SMAD2: variants seen among roughly 807,000 people sequenced by gnomAD.
SMAD2 encodes MAD homolog 2.
Under a neutral mutation model 64.4 loss-of-function variants are expected in SMAD2, and 8 were observed. The ratio of observed to expected loss-of-function variants is 0.12; its 90% CI spans 0.07 to 0.22. The LOEUF is 0.22. Ranked by LOEUF, SMAD2 falls within the 10% of genes least tolerant of loss-of-function variation. The pLI is 1.00. For missense variants in SMAD2, 289 were observed against 561.2 expected (o/e 0.51, Z 4.90); for synonymous variants, 203 against 195.8 (o/e 1.04, Z -0.31).
At chr18:47,898,084 A>C (rs1952882403) in intron 1 of SMAD2, among the ~76,000 whole-genome samples, 1 of 152,198 alleles carries the variant, frequency 6.6e-6, no homozygotes, top group African/African-American at 2.4e-5. Flanking sequence ...ATAGTTTTTA[A>C]ACGTAGAGGA....
rs1226307522 is a variant in SMAD2, at chr18:47,841,367, A to G, written c.*460T>C. 2 of 238,420 alleles carry G rather than the reference A, an allele frequency of 8.4e-6. No homozygotes were observed. The highest frequency in any genetic ancestry group is 1.7e-5 in the Non-Finnish European group (2 of 120,540). The allele number at this position is 238,420 out of a possible 1,614,324, so 14.8% of individuals were successfully genotyped here. ...TATATATTAAAAAAGACACACAAAA[A>G]TAACAGAGAAGTGGGAATAACAGAT... On this transcript the variant is annotated 3_prime_UTR_variant, in exon 11 of 11. Coordinates refer to ENST00000262160, the MANE Select transcript of SMAD2 (RefSeq NM_005901.6).
At position 47,869,139 on chromosome 18, in the gene SMAD2, A is replaced by G. The variant is rs1356610528; in HGVS notation, c.520+104T>C. On this transcript the variant is annotated intron_variant, in intron 4 of 10. Coordinates refer to ENST00000262160, the MANE Select transcript of SMAD2 (RefSeq NM_005901.6). Reference sequence around the variant, plus strand: ...TAATATGCACAATTTAAGGTAATTTATTAGAATTTACACTAAAATTTTCCT... The same window carrying G: ...TAATATGCACAATTTAAGGTAATTTGTTAGAATTTACACTAAAATTTTCCT... 3.8e-6 allele frequency: 3 copies of G among 798,260 alleles called. No individual in the cohort carries two copies. The African/African-American group carries it at 5.2e-5, about 14-fold the overall frequency. 49.4% of individuals were successfully genotyped at this position (798,260 alleles called of 1,614,324 possible).
chr18:47,916,288 A>T (rs1046903357), intron 1 of SMAD2, among the ~76,000 whole-genome samples: 1 of 152,210 alleles, frequency 6.6e-6, no homozygotes, highest in East Asian at 1.9e-4. Context: ...AACATTTTGT[A>T]TAAGATTAGA....
chr18:47,911,417 GA>G (rs528686648), intron 1 of SMAD2, among the ~76,000 whole-genome samples: 2 of 150,580 alleles, frequency 1.3e-5, no homozygotes, highest in Non-Finnish European at 3.0e-5. Context: ...CCTCGAAACA[GA>G]AAAAAAATCA....
At chr18:47,925,050 T>A (rs768031767) in intron 1 of SMAD2, among the ~76,000 whole-genome samples, 3 of 152,168 alleles carry the variant, frequency 2.0e-5, no homozygotes, top group Non-Finnish European at 2.9e-5. Context: ...AATGTGAAAC[T>A]ACATCCCCCT....
At chr18:47,842,605 A>G (rs1198022722) in intron 10 of SMAD2, among the ~76,000 whole-genome samples, 1 of 152,176 alleles carries the variant, frequency 6.6e-6, no homozygotes, top group Admixed American at 6.5e-5. Context: ...CAAGCAAACC[A>G]AGACATAAAG....
intron 5 of SMAD2, chr18:47,866,703 G>A (rs1231202490): frequency 6.6e-6 from 1 of 151,938 alleles, no homozygotes; most frequent in Non-Finnish European, 1.5e-5. Flanking sequence ...TAGCATTTTT[G>A]AGAAAATGTT....
At position 47,835,105 on chromosome 18, in the gene SMAD2, T is replaced by C. The variant is rs574925153; in HGVS notation, c.*6722A>G. ...TTAATCGCTGTAGTTTTTCTTTCTT[T>C]ACTCTTTTGTATAAAAGGTTAGTGT... On this transcript the variant is annotated 3_prime_UTR_variant, in exon 11 of 11. Coordinates refer to ENST00000262160, the MANE Select transcript of SMAD2 (RefSeq NM_005901.6). 9.3e-4 allele frequency: 205 copies of C among 219,586 alleles called. No homozygotes were observed. The highest frequency in any genetic ancestry group is 4.5e-3 in the African/African-American group (200 of 44,690). 13.6% of individuals were successfully genotyped at this position (219,586 alleles called of 1,614,324 possible).
chr18:47,854,879 A>G (rs751889350), intron 6 of SMAD2, among the ~76,000 whole-genome samples: 52 of 152,320 alleles, frequency 3.4e-4, no homozygotes, highest in Non-Finnish European at 4.6e-4. Flanking sequence ...CTGAAAGTCC[A>G]TAATTTACAT....
intron 7 of SMAD2, among the ~76,000 whole-genome samples, chr18:47,849,051 T>C (rs1189272486): frequency 2.0e-5 from 3 of 152,092 alleles, no homozygotes; most frequent in South Asian, 2.1e-4. Flanking sequence ...CTAAAGCACA[T>C]AAAAAAGCTA....
At chr18:47,908,402 T>C (rs772298703) in intron 1 of SMAD2, among the ~76,000 whole-genome samples, 73 of 152,208 alleles carry the variant, frequency 4.8e-4, no homozygotes, top group African/African-American at 1.5e-3. Context: ...TCAAGAAACA[T>C]TGCAAAATGT....
intron 2 of SMAD2, among the ~76,000 whole-genome samples, chr18:47,891,124 G>C (rs868133314): frequency 6.6e-6 from 1 of 152,238 alleles, no homozygotes; most frequent in East Asian, 1.9e-4. Flanking sequence ...GACCAACATG[G>C]AGAAACCCTG....
Position 47,870,568 on chromosome 18 carries a change from T to C in SMAD2, c.237-4A>G. ...TCCCCAAATTTCAGAGCAAGTGCTG[T>C]GCATAAATTGAAAAACAAAAAATTG... On this transcript the variant is annotated splice_region_variant and splice_polypyrimidine_tract_variant and intron_variant, in intron 2 of 10. Transcript: ENST00000262160. The C allele has an allele frequency of 1.2e-6, 2 of 1,608,242 alleles. No individual in the cohort carries two copies. The highest frequency in any genetic ancestry group is 1.7e-6 in the Non-Finnish European group (2 of 1,174,810).
At chr18:47,911,599 T>C (rs1483937881) in intron 1 of SMAD2, among the ~76,000 whole-genome samples, 2 of 152,172 alleles carry the variant, frequency 1.3e-5, no homozygotes, top group African/African-American at 4.8e-5. Context: ...GGAGTCCAAC[T>C]AGGGTTCAAA....
In SMAD2 at chr18:47,828,483, G is replaced by A. The variant is rs565893320; in HGVS notation, c.*13344C>T. The stretch of plus-strand genomic sequence containing the variant: ...CCATGATGACGATGGCGGTTTTGTC[G>A]AATAGAAAAGGGGGAAATGTGGGGA... On this transcript the variant is annotated 3_prime_UTR_variant, in exon 11 of 11. Transcript: ENST00000262160. 1.1e-3 allele frequency: 189 copies of A among 167,528 alleles called. 2 individuals carry two copies. In the East Asian group the frequency reaches 0.03, roughly 26 times the overall value. 10.4% of individuals were successfully genotyped at this position (167,528 alleles called of 1,614,324 possible).
chr18:47,913,002 C>T (rs1302402097), intron 1 of SMAD2, among the ~76,000 whole-genome samples: 1 of 151,896 alleles, frequency 6.6e-6, no homozygotes, highest in East Asian at 1.9e-4. Context: ...TCACTGCAAC[C>T]TCCACCTCCC....
rs760694062 is a variant in SMAD2 at position 47,829,685 on chromosome 18, CTT to C, written c.*12140_*12141del. 6.6e-6 allele frequency: 1 copy of C among 152,148 alleles called. No individual in the cohort carries two copies. The allele number at this position is 152,148 out of a possible 1,614,324, so 9.4% of individuals were successfully genotyped here. On this transcript the variant is annotated 3_prime_UTR_variant, in exon 11 of 11. Transcript: ENST00000262160. The stretch of plus-strand genomic sequence containing the variant: ...GTGCATAGGCAGTATGAAGTAGACA[CTT>C]TGGCAAATAAAAACTGCACCGTATG...
Position 47,816,646 on chromosome 18 carries a change from T to C in SMAD2, c.*25181A>G, listed in dbSNP as rs893139592. 3.9e-5 allele frequency: 6 copies of C among 152,242 alleles called. No individual in the cohort carries two copies. The highest frequency in any genetic ancestry group is 7.2e-5 in the African/African-American group (3 of 41,468). The allele number at this position is 152,242 out of a possible 1,614,324, so 9.4% of individuals were successfully genotyped here. ...CTTCAGAGTGGCACCACCCTTGCTA[T>C]TGATCTTTGTAACCAACGACAATTA... On this transcript the variant is annotated 3_prime_UTR_variant, in exon 11 of 11. Transcript: ENST00000262160.
chr18:47,850,381 AT>A (rs1261509707), intron 7 of SMAD2, among the ~76,000 whole-genome samples: 1 of 23,548 alleles, frequency 4.2e-5, no homozygotes, highest in African/African-American at 3.1e-4. Flanking sequence ...TATTATATAT[AT>A]TATATAATAT....
Sources: allele counts gnomAD v4.1 joint callset (sites outside exome capture counted in the v4.1 genomes callset), GRCh38; gene constraint gnomAD v4.1.1; transcripts MANE v1.5; gene names NCBI Gene and HGNC (gene_info 2026-07-23, HGNC 2026-07-21).